CCNY: variants seen among roughly 807,000 people sequenced by gnomAD.
CCNY encodes cyclin-Y.
In CCNY, 19 loss-of-function variants were observed where a neutral mutation model predicts 42.8. The ratio of observed to expected loss-of-function variants is 0.44; its 90% CI spans 0.31 to 0.65. The LOEUF (loss-of-function observed/expected upper bound fraction) is 0.65, where lower values mean the gene tolerates loss of function less well. Among genes scored for constraint, CCNY ranks in the 30% least tolerant of loss-of-function variants. CCNY has a pLI of 0.07. For synonymous variants in CCNY, 165 were observed against 162.7 expected (o/e 1.01, Z -0.11); for missense variants, 370 against 437.3 (o/e 0.85, Z 1.37).
At chr10:35,321,654 G>T (rs1835823779) in intron 3 of CCNY, among the ~76,000 whole-genome samples, 1 of 151,888 alleles carries the variant, frequency 6.6e-6, no homozygotes, top group African/African-American at 2.4e-5. Context: ...CTTCAGTCTG[G>T]GTGACATAGT....
intron 3 of CCNY, among the ~76,000 whole-genome samples, chr10:35,515,195 C>T (rs939226335): frequency 6.6e-6 from 1 of 152,196 alleles, no homozygotes; most frequent in African/African-American, 2.4e-5. Flanking sequence ...GGGGAGAGGC[C>T]TCAGCTTCTG....
chr10:35,564,596 A>T (rs976653278), intron 8 of CCNY, among the ~76,000 whole-genome samples: 1 of 152,166 alleles, frequency 6.6e-6, no homozygotes, highest in Non-Finnish European at 1.5e-5. Flanking sequence ...CGTTCAGCAG[A>T]GTTGGCAGGA....
chr10:35,306,233 C>T (rs1835604619), intron 3 of CCNY, among the ~76,000 whole-genome samples: 2 of 152,096 alleles, frequency 1.3e-5, no homozygotes, highest in African/African-American at 2.4e-5. Context: ...CAGGGTTTCA[C>T]CATGTTGGCC....
At chr10:35,398,192 G>A (rs189531311) in intron 1 of CCNY, among the ~76,000 whole-genome samples, 9 of 152,344 alleles carry the variant, frequency 5.9e-5, no homozygotes, top group African/African-American at 1.9e-4. Context: ...ACCCCCTGGA[G>A]CCTAGGGCCC....
At chr10:35,306,183 C>T (rs757823688) in intron 3 of CCNY, among the ~76,000 whole-genome samples, 5 of 152,020 alleles carry the variant, frequency 3.3e-5, no homozygotes, top group African/African-American at 4.8e-5. Context: ...TACAGGCACA[C>T]GCCACTACAC....
At chr10:35,297,444 C>T (rs1226587321) in intron 3 of CCNY, among the ~76,000 whole-genome samples, 3 of 152,120 alleles carry the variant, frequency 2.0e-5, no homozygotes, top group Non-Finnish European at 4.4e-5. Context: ...AAAACTGCCA[C>T]AAGACAAGGA....
chr10:35,254,121 C>T (rs2095713917), intron 3 of CCNY, among the ~76,000 whole-genome samples: 1 of 152,144 alleles, frequency 6.6e-6, no homozygotes, highest in African/African-American at 2.4e-5. Flanking sequence ...TTGTGATCCG[C>T]CGGCCTCAGC....
intron 1 of CCNY, among the ~76,000 whole-genome samples, chr10:35,363,017 A>G (rs1160264291): frequency 1.4e-5 from 2 of 142,368 alleles, no homozygotes; most frequent in Non-Finnish European, 3.0e-5. Context: ...CTCACTTCCC[A>G]GGTGGTGGGC....
intron 1 of CCNY, among the ~76,000 whole-genome samples, chr10:35,398,299 C>A (rs1837568998): frequency 6.6e-6 from 1 of 152,202 alleles, no homozygotes; most frequent in Non-Finnish European, 1.5e-5. Flanking sequence ...TTGCCAGAGA[C>A]ATGGAAGTGG....
chr10:35,487,964 C>T (rs1030707637), intron 2 of CCNY, among the ~76,000 whole-genome samples: 1 of 152,068 alleles, frequency 6.6e-6, no homozygotes, highest in Admixed American at 6.5e-5. Context: ...TATTTTAGTT[C>T]ATCATTTTCA....
At chr10:35,442,942 A>G (rs1248296678) in intron 1 of CCNY, among the ~76,000 whole-genome samples, 2 of 152,352 alleles carry the variant, frequency 1.3e-5, no homozygotes, top group South Asian at 2.1e-4. Context: ...TGTTGCTCCT[A>G]GGCTACAAAC....
At chr10:35,310,974 CAACAAAACAAAACAAAACAA>C (rs59550105) in intron 3 of CCNY, among the ~76,000 whole-genome samples, 143 of 145,876 alleles carry the variant, frequency 9.8e-4, no homozygotes, top group African/African-American at 3.2e-3. Context: ...AACCCTGTCT[CAACAAAACAAAACAAAACAA>C]AACAAAACAA....
chr10:35,515,329 A>C (rs572552156), intron 3 of CCNY, among the ~76,000 whole-genome samples: 6 of 152,258 alleles, frequency 3.9e-5, no homozygotes, highest in Non-Finnish European at 8.8e-5. Flanking sequence ...GGAACCCCAA[A>C]GAAGTAACTA....
intron 1 of CCNY, among the ~76,000 whole-genome samples, chr10:35,463,822 A>G (rs185748220): frequency 6.6e-6 from 1 of 152,326 alleles, no homozygotes; most frequent in African/African-American, 2.4e-5. Flanking sequence ...TTTGCTTGAA[A>G]GTAACCACTT....
chr10:35,407,660 C>T (rs1198123477), intron 1 of CCNY, among the ~76,000 whole-genome samples: 1 of 151,990 alleles, frequency 6.6e-6, no homozygotes, highest in African/African-American at 2.4e-5. Flanking sequence ...GATTTTAGGT[C>T]AGGTGAGAGT....
At chr10:35,435,114 G>A (rs1773203969) in intron 1 of CCNY, among the ~76,000 whole-genome samples, 1 of 152,202 alleles carries the variant, frequency 6.6e-6, no homozygotes, top group South Asian at 2.1e-4. Flanking sequence ...GATTTCATGA[G>A]TCTGAGAGAT....
chr10:35,565,997 A>G, intron 8 of CCNY, 26 bp from the exon 9 acceptor site: 1 of 1,602,732 alleles, frequency 6.2e-7, no homozygotes, highest in Non-Finnish European at 8.5e-7. Context: ...AGCTAAGCAT[A>G]GGCTATTTTT....
intron 1 of CCNY, among the ~76,000 whole-genome samples, chr10:35,405,750 C>G (rs1490003344): frequency 1.3e-5 from 2 of 152,184 alleles, no homozygotes. Context: ...GTCCAGGGGG[C>G]TTCCGAGGCT....
chr10:35,498,267 GAAGGA>G (rs1840041266), intron 2 of CCNY, among the ~76,000 whole-genome samples: 2 of 152,278 alleles, frequency 1.3e-5, no homozygotes, highest in South Asian at 4.1e-4. Context: ...CAGACTCCCA[GAAGGA>G]AATAAACCAT....
Sources: gnomAD v4.1 joint callset for allele counts (sites outside exome capture counted in the v4.1 genomes callset) on GRCh38, gnomAD v4.1.1 for gene constraint, MANE v1.5 for transcripts, NCBI Gene and HGNC (gene_info 2026-07-23, HGNC 2026-07-21) for gene names.